Variants in ESRRG observed in about 807,000 individuals in gnomAD.
ESRRG encodes the protein estrogen related receptor gamma.
A neutral mutation model predicts 44.0 loss-of-function variants in ESRRG; 13 were observed. The observed-to-expected ratio is 0.30, with a 90% confidence interval of 0.19 to 0.47. The LOEUF (loss-of-function observed/expected upper bound fraction) is 0.47. Ranked by LOEUF, ESRRG falls within the 20% of genes least tolerant of loss-of-function variation. The pLI is 1.00. For synonymous variants in ESRRG, 215 were observed against 214.6 expected (o/e 1.00, Z -0.02); for missense variants, 395 against 580.6 (o/e 0.68, Z 3.29).
chr1:217,076,795 A>G (rs752925161), intron 1 of ESRRG: 4 of 152,196 alleles, frequency 2.6e-5, no homozygotes, highest in Admixed American at 1.3e-4. Context: ...TTGACCTTCC[A>G]TAAAGGAAGC....
intron 2 of ESRRG, among the ~76,000 whole-genome samples, chr1:216,659,714 C>T (rs572414217): frequency 1.3e-5 from 2 of 152,116 alleles, no homozygotes; most frequent in Non-Finnish European, 2.9e-5. Context: ...TCCCAGGGCT[C>T]CCAAGACTGA....
intron 1 of ESRRG, among the ~76,000 whole-genome samples, chr1:217,004,394 G>A (rs1001820989): frequency 6.6e-6 from 1 of 152,132 alleles, no homozygotes; most frequent in African/African-American, 2.4e-5. Flanking sequence ...AGAGCTGATG[G>A]TTTTATAAAT....
At chr1:216,681,454 C>T (rs1232821947) in intron 1 of ESRRG, among the ~76,000 whole-genome samples, 9 of 152,224 alleles carry the variant, frequency 5.9e-5, no homozygotes, top group East Asian at 5.8e-4. Context: ...TCCCCCCACC[C>T]GACAACAGGC....
chr1:217,118,377 C>A (rs548116710), intron 1 of ESRRG, among the ~76,000 whole-genome samples: 2 of 152,306 alleles, frequency 1.3e-5, no homozygotes, highest in Non-Finnish European at 2.9e-5. Flanking sequence ...ATACTTTGCA[C>A]TGTGTAGGTC....
intron 2 of ESRRG, among the ~76,000 whole-genome samples, chr1:216,879,038 C>T (rs1321571135): frequency 6.6e-6 from 1 of 152,178 alleles, no homozygotes; most frequent in Non-Finnish European, 1.5e-5. Context: ...AGGCCAAAGA[C>T]TACATGTGAG....
At chr1:216,524,223 A>C (rs1388082976) in intron 5 of ESRRG, among the ~76,000 whole-genome samples, 1 of 138,906 alleles carries the variant, frequency 7.2e-6, no homozygotes, top group Non-Finnish European at 1.5e-5. Flanking sequence ...CTTTATATAT[A>C]TATATACATA....
intron 5 of ESRRG, among the ~76,000 whole-genome samples, chr1:216,533,354 T>C (rs2049979802): frequency 6.6e-6 from 1 of 152,144 alleles, no homozygotes; most frequent in African/African-American, 2.4e-5. Flanking sequence ...CCTTTGGGGA[T>C]GCCTGTCAAA....
intron 2 of ESRRG, among the ~76,000 whole-genome samples, chr1:216,833,256 A>T (rs1008831434): frequency 6.6e-6 from 1 of 151,486 alleles, no homozygotes. Context: ...CAAATGTTAT[A>T]AAAGAATTAT....
intron 2 of ESRRG, among the ~76,000 whole-genome samples, chr1:216,750,435 A>G (rs1452442160): frequency 6.6e-6 from 1 of 152,082 alleles, no homozygotes; most frequent in Non-Finnish European, 1.5e-5. Flanking sequence ...TCTTCAGTTA[A>G]TAGTTTGTGG....
chr1:216,957,379 G>A (rs2068151394), intron 1 of ESRRG, among the ~76,000 whole-genome samples: 1 of 152,050 alleles, frequency 6.6e-6, no homozygotes. Flanking sequence ...TTCCTACTCA[G>A]CACATTTATT....
Position 216,672,007 on chromosome 1 carries a change from A to C in ESRRG, c.472+5069T>G, listed in dbSNP as rs183204020. Among the ~76,000 whole-genome samples the C allele has an allele frequency of 5.8e-3, 870 of 149,518 alleles. 9 individuals carry two copies. The highest frequency in any genetic ancestry group is 0.02 in the African/African-American group (834 of 40,880). On this transcript the variant is annotated intron_variant, in intron 2 of 6. Coordinates refer to ENST00000408911, the MANE Select transcript of ESRRG (RefSeq NM_001438.4). ...GGGAAACTCTTAATGAGAAGTTCCCAAAAAAAAAGAAAAGAAAAGAAGGAA... is the reference window on the plus strand; with the variant it reads ...GGGAAACTCTTAATGAGAAGTTCCCCAAAAAAAAGAAAAGAAAAGAAGGAA...
intron 2 of ESRRG, among the ~76,000 whole-genome samples, chr1:216,922,524 G>A (rs1292587403): frequency 6.6e-6 from 1 of 152,188 alleles, no homozygotes; most frequent in Non-Finnish European, 1.5e-5. Context: ...CTGGTTGCCT[G>A]TTCATTAACT....
chr1:216,900,668 CTTGACACTTT>C (rs768015158), intron 2 of ESRRG, among the ~76,000 whole-genome samples: 3 of 152,108 alleles, frequency 2.0e-5, no homozygotes, highest in Non-Finnish European at 4.4e-5. Flanking sequence ...TCATAAGGAC[CTTGACACTTT>C]AAGGAGTGGA....
At chr1:216,702,247 A>C (rs2081506276) in intron 1 of ESRRG, among the ~76,000 whole-genome samples, 1 of 152,210 alleles carries the variant, frequency 6.6e-6, no homozygotes, top group Admixed American at 6.5e-5. Flanking sequence ...AAATAAAAAT[A>C]AAATTAACAT....
At chr1:216,947,951 G>A (rs2066324721) in intron 1 of ESRRG, among the ~76,000 whole-genome samples, 2 of 151,956 alleles carry the variant, frequency 1.3e-5, no homozygotes, top group South Asian at 4.2e-4. Flanking sequence ...CTCCTTTTTT[G>A]CAGATGATAG....
intron 1 of ESRRG, among the ~76,000 whole-genome samples, chr1:216,690,757 T>C (rs1328492093): frequency 5.3e-5 from 8 of 152,148 alleles, no homozygotes; most frequent in African/African-American, 1.7e-4. Context: ...ACCTCTCATT[T>C]ACACACAATG....
intron 1 of ESRRG, among the ~76,000 whole-genome samples, chr1:216,954,353 T>C (rs2150108134): frequency 6.6e-6 from 1 of 152,284 alleles, no homozygotes; most frequent in South Asian, 2.1e-4. Flanking sequence ...TCTGTAAAGA[T>C]ACTCAAGAAC....
At chr1:216,697,395 G>C (rs1438519510) in intron 1 of ESRRG, among the ~76,000 whole-genome samples, 1 of 152,198 alleles carries the variant, frequency 6.6e-6, no homozygotes, top group Non-Finnish European at 1.5e-5. Flanking sequence ...TGTGATTTGT[G>C]TTTGTTTAAG....
chr1:216,572,325 A>C (rs2060959231), intron 3 of ESRRG, among the ~76,000 whole-genome samples: 1 of 152,092 alleles, frequency 6.6e-6, no homozygotes, highest in Non-Finnish European at 1.5e-5. Flanking sequence ...TCAAATAAAA[A>C]CCTACAAACA....
Sources: allele counts gnomAD v4.1 joint callset (sites outside exome capture counted in the v4.1 genomes callset), GRCh38; gene constraint gnomAD v4.1.1; transcripts MANE v1.5; gene names NCBI Gene and HGNC (gene_info 2026-07-23, HGNC 2026-07-21).